Variants in HS3ST5 observed in about 807,000 individuals in gnomAD.
HS3ST5 encodes the protein heparan sulfate glucosamine 3-O-sulfotransferase 5.
Under a neutral mutation model 25.4 loss-of-function variants are expected in HS3ST5, and 10 were observed. That is an observed-to-expected ratio of 0.39 (90% CI 0.24 to 0.67). The LOEUF (loss-of-function observed/expected upper bound fraction) is 0.67. Among genes scored for constraint, HS3ST5 ranks in the 30% least tolerant of loss-of-function variants. The pLI, the probability that HS3ST5 is intolerant of heterozygous loss-of-function variation, is 0.44. For missense variants in HS3ST5, 324 were observed against 420.7 expected (o/e 0.77, Z 2.01); for synonymous variants, 170 against 162.4 (o/e 1.05, Z -0.36).
At chr6:114,073,353 C>A (rs1250548201) in intron 3 of HS3ST5, among the ~76,000 whole-genome samples, 1 of 152,174 alleles carries the variant, frequency 6.6e-6, no homozygotes, top group Non-Finnish European at 1.5e-5. Flanking sequence ...AGTGAACAGG[C>A]AACCTACAGA....
chr6:114,202,051 G>A (rs1385563760), intron 2 of HS3ST5, among the ~76,000 whole-genome samples: 1 of 151,914 alleles, frequency 6.6e-6, no homozygotes. Flanking sequence ...TTTGGGTGGG[G>A]ACACAGCCAA....
At chr6:114,341,223 GA>G (rs1776844007) in intron 1 of HS3ST5, among the ~76,000 whole-genome samples, 3 of 27,418 alleles carry the variant, frequency 1.1e-4, no homozygotes, top group South Asian at 2.5e-3. Context: ...GAGAGAGGGG[GA>G]GAGAGAGAGA....
At chr6:114,117,516 C>A (rs959589234) in intron 3 of HS3ST5, among the ~76,000 whole-genome samples, 5 of 152,124 alleles carry the variant, frequency 3.3e-5, no homozygotes, top group African/African-American at 4.8e-5. Context: ...GTAAAATGAT[C>A]CATGATGTGA....
At chr6:114,068,726 GT>G (rs933281897) in intron 3 of HS3ST5, among the ~76,000 whole-genome samples, 66 of 151,380 alleles carry the variant, frequency 4.4e-4, no homozygotes, top group African/African-American at 1.3e-3. Context: ...TAAAACTAAA[GT>G]TTTTTTTTAG....
intron 1 of HS3ST5, among the ~76,000 whole-genome samples, chr6:114,254,951 T>C (rs1772837097): frequency 6.6e-6 from 1 of 152,104 alleles, no homozygotes; most frequent in African/African-American, 2.4e-5. Flanking sequence ...AAATCTTACA[T>C]CCTGACATTT....
intron 2 of HS3ST5, chr6:114,179,014 T>C (rs978987056): frequency 1.3e-5 from 2 of 152,226 alleles, no homozygotes; most frequent in African/African-American, 4.8e-5. Flanking sequence ...TTTGTCTCTT[T>C]TTCCATATAG....
At chr6:114,132,129 A>G (rs1323896996) in intron 3 of HS3ST5, 1 of 152,206 alleles carries the variant, frequency 6.6e-6, no homozygotes, top group Admixed American at 6.5e-5. Context: ...GCCAAAAGTG[A>G]CAAAATGAGA....
At chr6:114,101,423 A>C (rs1775723153) in intron 3 of HS3ST5, among the ~76,000 whole-genome samples, 1 of 152,200 alleles carries the variant, frequency 6.6e-6, no homozygotes. Context: ...GCTCCTAAAA[A>C]AGCACCACGT....
intron 2 of HS3ST5, among the ~76,000 whole-genome samples, chr6:114,209,707 G>C (rs1054686448): frequency 3.9e-5 from 6 of 152,206 alleles, no homozygotes; most frequent in Non-Finnish European, 7.4e-5. Context: ...GCCCATATCA[G>C]TTAAAGAATA....
intron 3 of HS3ST5, among the ~76,000 whole-genome samples, chr6:114,075,986 G>A (rs143124970): frequency 6.6e-6 from 1 of 152,216 alleles, no homozygotes; most frequent in East Asian, 1.9e-4. Context: ...TGCCACACAA[G>A]GTAGTGCTGT....
At chr6:114,311,025 C>T (rs1393091781) in intron 1 of HS3ST5, among the ~76,000 whole-genome samples, 8 of 151,966 alleles carry the variant, frequency 5.3e-5, no homozygotes, top group Admixed American at 3.3e-4. Context: ...AACAAAGAAA[C>T]GTAACTACCA....
At chr6:114,332,335 G>A (rs1776434787) in intron 1 of HS3ST5, among the ~76,000 whole-genome samples, 1 of 152,086 alleles carries the variant, frequency 6.6e-6, no homozygotes, top group Non-Finnish European at 1.5e-5. Context: ...CCATCATCTA[G>A]CACACTCGAT....
At chr6:114,161,586 G>T (rs1778977667) in intron 3 of HS3ST5, among the ~76,000 whole-genome samples, 1 of 101,148 alleles carries the variant, frequency 9.9e-6, no homozygotes, top group Non-Finnish European at 2.0e-5. Flanking sequence ...AAATGCAATG[G>T]CGTGTATGTG....
chr6:114,147,859 C>G (rs2348920), intron 3 of HS3ST5, among the ~76,000 whole-genome samples: 147,441 of 152,268 alleles, frequency 0.97, 71,573 homozygotes, highest in East Asian at 1. Context: ...GGGATTACAG[C>G]CATGAGCCAC....
intron 2 of HS3ST5, among the ~76,000 whole-genome samples, chr6:114,197,478 T>C (rs1452690291): frequency 2.6e-5 from 4 of 152,174 alleles, no homozygotes; most frequent in East Asian, 1.9e-4. Flanking sequence ...ATATATTTAT[T>C]TTAATTTCCA....
intron 1 of HS3ST5, among the ~76,000 whole-genome samples, chr6:114,309,383 AT>A (rs1231991453): frequency 6.6e-6 from 1 of 152,212 alleles, no homozygotes; most frequent in Non-Finnish European, 1.5e-5. Context: ...ATGTTACCCA[AT>A]ATAATGAATT....
intron 3 of HS3ST5, among the ~76,000 whole-genome samples, chr6:114,089,337 C>T (rs914150042): frequency 3.3e-5 from 5 of 152,214 alleles, no homozygotes; most frequent in African/African-American, 1.2e-4. Context: ...GAATGACCCT[C>T]TCCAAGTTGG....
intron 1 of HS3ST5, among the ~76,000 whole-genome samples, chr6:114,335,941 C>T (rs574181650): frequency 1.1e-4 from 16 of 151,692 alleles, no homozygotes; most frequent in Non-Finnish European, 2.4e-4. Flanking sequence ...CGTGAGCCAC[C>T]GCGCCCGGCC....
intron 1 of HS3ST5, among the ~76,000 whole-genome samples, chr6:114,264,830 A>G (rs993424803): frequency 3.9e-5 from 6 of 152,130 alleles, no homozygotes; most frequent in African/African-American, 1.4e-4. Context: ...CTGATATTTG[A>G]AAGTTGAAGA....
Sources: gnomAD v4.1 joint callset for allele counts (sites outside exome capture counted in the v4.1 genomes callset) on GRCh38, gnomAD v4.1.1 for gene constraint, MANE v1.5 for transcripts, NCBI Gene and HGNC (gene_info 2026-07-23, HGNC 2026-07-21) for gene names.